XCR1: variants seen among roughly 807,000 people sequenced by gnomAD.
XCR1 encodes the protein X-C motif chemokine receptor 1.
For synonymous variants in XCR1, 187 were observed against 188.5 expected (o/e 0.99, Z 0.06); for missense variants, 356 against 424.2 (o/e 0.84, Z 1.41).
chr3:46,067,793 G>A (rs1373580967), intron 3 of XCR1, among the ~76,000 whole-genome samples: 1 of 152,106 alleles, frequency 6.6e-6, no homozygotes, highest in Non-Finnish European at 1.5e-5. Context: ...GTGAGAACAG[G>A]GAGAGAAGAG....
At chr3:46,054,293 C>T (rs1344356820) in intron 4 of XCR1, among the ~76,000 whole-genome samples, 1 of 152,092 alleles carries the variant, frequency 6.6e-6, no homozygotes, top group African/African-American at 2.4e-5. Flanking sequence ...CTAGATGTCC[C>T]AGTAGATAAC....
intron 4 of XCR1, among the ~76,000 whole-genome samples, chr3:46,057,851 T>C (rs935614545): frequency 6.6e-6 from 1 of 151,998 alleles, no homozygotes; most frequent in Non-Finnish European, 1.5e-5. Context: ...AATAAATCTC[T>C]ATCTAGTACC....
At chr3:46,040,102 C>T (rs1697511702) in intron 5 of XCR1, among the ~76,000 whole-genome samples, 1 of 152,020 alleles carries the variant, frequency 6.6e-6, no homozygotes, top group Non-Finnish European at 1.5e-5. Context: ...TAATAAGAGA[C>T]TTTTGTTTAC....
rs1487915179 is a variant in XCR1 at position 46,021,887 on chromosome 3, G to C, written c.61C>G (p.Pro21Ala). 6.2e-7 allele frequency: 1 copy of C among 1,614,100 alleles called. No individual in the cohort carries two copies. The highest frequency in any genetic ancestry group is 2.2e-5 in the East Asian group (1 of 44,868). ...TFFYYDLQSQ[P>A]CENQAWVFAT... is the part of the protein sequence containing the mutation. ...AAGACCCAGGCCTGGTTCTCACACG[G>C]CTGGCTCTGAAGGTCATAGTAAAAA... Residue 21 changes from proline (P) to alanine (A), a missense_variant, in exon 2 of 2, where the codon CCG becomes GCG. Coordinates refer to ENST00000309285, the MANE Select transcript of XCR1 (RefSeq NM_001024644.2). The surrounding 1 kb of genome is among the most constrained non-coding windows in gnomAD (Gnocchi z 4.7).
At chr3:46,054,658 G>C (rs1051058315) in intron 4 of XCR1, among the ~76,000 whole-genome samples, 1 of 152,122 alleles carries the variant, frequency 6.6e-6, no homozygotes, top group Non-Finnish European at 1.5e-5. Flanking sequence ...GTATTACCAA[G>C]GAAGAAAGCT....
rs540914202 is a variant in XCR1, at chr3:46,042,447, T to C, written c.-32+11473A>G. On this transcript the variant is annotated intron_variant, in intron 5 of 5. Transcript: ENST00000683768. ...GAGTAAAGAGACAGTTAGAGATATA[T>C]AGAGAGAGAACTCCAATTACTAATA... Among the ~76,000 whole-genome samples the C allele has an allele frequency of 3.3e-5, 5 of 152,218 alleles. No individual in the cohort carries two copies. The South Asian group carries it at 8.3e-4, about 25-fold the overall frequency.
chr3:46,033,263 T>C (rs1697338901), intron 5 of XCR1, among the ~76,000 whole-genome samples: 1 of 152,154 alleles, frequency 6.6e-6, no homozygotes, highest in South Asian at 2.1e-4. Flanking sequence ...TCATAAAAAA[T>C]CCAAGGCCAT....
intron 1 of XCR1, chr3:46,023,922 A>T: frequency 6.7e-7 from 1 of 1,493,762 alleles, no homozygotes; most frequent in Non-Finnish European, 9.3e-7. Flanking sequence ...AAAAAGGTCC[A>T]GTAGAAAAGG....
At chr3:46,023,247 T>G in intron 1 of XCR1, 2 of 622,758 alleles carry the variant, frequency 3.2e-6, no homozygotes, top group Non-Finnish European at 5.7e-6. Flanking sequence ...TGCGATCCCC[T>G]CCATGTTCCC....
chr3:46,023,795 T>G lies in XCR1; in HGVS notation c.-31-1817A>C, dbSNP rs1708222889. 8 of 1,541,514 alleles carry G rather than the reference T, an allele frequency of 5.2e-6. No individual in the cohort carries two copies. The East Asian group carries it at 1.8e-4, about 35-fold the overall frequency. The stretch of plus-strand genomic sequence containing the variant: ...AAAGCCCCAGAAGATGATAAAACAA[T>G]TATAGAGGAATAGGCAACCAAAATT... On this transcript the variant is annotated intron_variant, in intron 1 of 1. Coordinates refer to ENST00000309285, the MANE Select transcript of XCR1 (RefSeq NM_001024644.2).
intron 5 of XCR1, among the ~76,000 whole-genome samples, chr3:46,038,030 GTT>G (rs368953503): frequency 2.4e-5 from 3 of 123,188 alleles, no homozygotes; most frequent in Non-Finnish European, 1.7e-5. Flanking sequence ...TTTGTTTTTT[GTT>G]TTTTTTTTTT....
intron 4 of XCR1, among the ~76,000 whole-genome samples, chr3:46,059,056 G>A (rs1163186099): frequency 1.3e-5 from 2 of 152,170 alleles, no homozygotes; most frequent in African/African-American, 2.4e-5. Flanking sequence ...GGTGGGGTGT[G>A]CACAATAGCA....
intron 3 of XCR1, among the ~76,000 whole-genome samples, chr3:46,072,158 C>T (rs909040530): frequency 2.0e-4 from 31 of 152,082 alleles, no homozygotes; most frequent in Admixed American, 1.8e-3. Context: ...CAATAATGAT[C>T]AAGCTGAGAA....
At chr3:46,083,467 C>G (rs527797398) in intron 1 of XCR1, among the ~76,000 whole-genome samples, 1 of 152,326 alleles carries the variant, frequency 6.6e-6, no homozygotes, top group East Asian at 1.9e-4. Context: ...GGCATGACTG[C>G]AGATCTACCT....
upstream of XCR1, among the ~76,000 whole-genome samples, chr3:46,030,007 T>A (rs1354088201): frequency 6.6e-6 from 1 of 152,220 alleles, no homozygotes; most frequent in Admixed American, 6.5e-5. Context: ...TATATTGATC[T>A]TGTACCTTGA....
intron 1 of XCR1, among the ~76,000 whole-genome samples, chr3:46,081,878 C>A (rs73830729): frequency 6.6e-6 from 1 of 152,076 alleles, no homozygotes; most frequent in African/African-American, 2.4e-5. Flanking sequence ...CTCATAGTTC[C>A]CTGTGTCTCT....
rs144489731 is a variant in XCR1, at chr3:46,023,421, T to A, written c.-31-1443A>T. On this transcript the variant is annotated intron_variant, in intron 1 of 1. Transcript: ENST00000309285. ...ACAAAAAGGCTGCGGCATATCTTTC[T>A]GAAGCCATGAAGCTGACACAATCTG... is the stretch of plus-strand genomic sequence containing the variant. 11 of 1,468,262 alleles carry A rather than the reference T, an allele frequency of 7.5e-6. No individual in the cohort carries two copies. In the South Asian group the frequency reaches 1.3e-4, roughly 17 times the overall value. The allele number at this position is 1,468,262 out of a possible 1,614,324, so 91.0% of individuals were successfully genotyped here.
At chr3:46,067,946 G>T (rs1384661339) in intron 3 of XCR1, among the ~76,000 whole-genome samples, 1 of 152,186 alleles carries the variant, frequency 6.6e-6, no homozygotes, top group African/African-American at 2.4e-5. Context: ...GGGAGGCAAA[G>T]GTCTTTGTGT....
chr3:46,029,226 C>G (rs190922019), upstream of XCR1, among the ~76,000 whole-genome samples: 137 of 152,294 alleles, frequency 9.0e-4, no homozygotes, highest in African/African-American at 3.0e-3. Context: ...TGTTTTGAGA[C>G]AGGTTCTCAC....
Sources: gnomAD v4.1 joint callset for allele counts (sites outside exome capture counted in the v4.1 genomes callset) on GRCh38, gnomAD v4.1.1 for gene constraint, Gnocchi (gnomAD v3.1) non-coding constraint, MANE v1.5 for transcripts, NCBI Gene and HGNC (gene_info 2026-07-23, HGNC 2026-07-21) for gene names.